NELL1: variants seen among roughly 807,000 people sequenced by gnomAD.
NELL1 encodes protein kinase C-binding protein NELL1.
A neutral mutation model predicts 107.4 loss-of-function variants in NELL1; 76 were observed. The observed-to-expected ratio is 0.71, with a 90% CI of 0.59 to 0.86. The LOEUF (loss-of-function observed/expected upper bound fraction) is 0.86, where lower values mean the gene tolerates loss of function less well. Ranked by LOEUF, NELL1 falls within the 40% of genes least tolerant of loss-of-function variation. The probability of loss-of-function intolerance (pLI) is 0.00; values close to 1 mark genes in which losing one functional copy is unlikely to be tolerated. For synonymous variants in NELL1, 353 were observed against 341.2 expected (o/e 1.03, Z -0.38); for missense variants, 1,024 against 1,005.5 (o/e 1.02, Z -0.25).
intron 5 of NELL1, among the ~76,000 whole-genome samples, chr11:20,915,044 ATATT>A (rs1224657048): frequency 6.6e-6 from 1 of 152,026 alleles, no homozygotes; most frequent in African/African-American, 2.4e-5. Flanking sequence ...ATGCTTTAGA[ATATT>A]TATTGTGTTT....
chr11:20,968,928 G>A (rs971251334), intron 12 of NELL1, among the ~76,000 whole-genome samples: 27 of 152,130 alleles, frequency 1.8e-4, no homozygotes, highest in African/African-American at 5.8e-4. Flanking sequence ...TGCAAGAGGG[G>A]TTGGTAAATT....
At chr11:21,572,549 A>C (rs920266173) in intron 18 of NELL1, among the ~76,000 whole-genome samples, 4 of 151,876 alleles carry the variant, frequency 2.6e-5, no homozygotes, top group African/African-American at 9.7e-5. Context: ...ATAGTGAAAT[A>C]GTTTTATTGT....
chr11:21,337,829 T>C (rs1276184012), intron 14 of NELL1, among the ~76,000 whole-genome samples: 277 of 20,250 alleles, frequency 0.014, 6 homozygotes, highest in South Asian at 0.13. Context: ...TCTTTCTTTC[T>C]TTCTTTCTTT....
intron 17 of NELL1, among the ~76,000 whole-genome samples, chr11:21,562,709 G>A (rs939636747): frequency 2.0e-5 from 3 of 151,938 alleles, no homozygotes; most frequent in Admixed American, 2.0e-4. Flanking sequence ...ATCAAGGTTG[G>A]GATATAAAGT....
At chr11:21,551,208 C>G (rs780131477) in intron 16 of NELL1, among the ~76,000 whole-genome samples, 3 of 151,952 alleles carry the variant, frequency 2.0e-5, no homozygotes, top group Non-Finnish European at 4.4e-5. Context: ...TGAGACTTTG[C>G]TGAAGTTGCT....
chr11:20,919,747 C>T (rs1288497327), intron 7 of NELL1, among the ~76,000 whole-genome samples: 2 of 152,100 alleles, frequency 1.3e-5, no homozygotes, highest in African/African-American at 4.8e-5. Context: ...TTGTTAGGAA[C>T]AGATTACTGT....
intron 13 of NELL1, among the ~76,000 whole-genome samples, chr11:21,159,227 C>A (rs1466091783): frequency 6.6e-6 from 1 of 152,116 alleles, no homozygotes; most frequent in Non-Finnish European, 1.5e-5. Flanking sequence ...GGTCTTGGAT[C>A]CGTGAGCTTG....
chr11:20,900,893 A>T (rs1398931947), intron 5 of NELL1, among the ~76,000 whole-genome samples: 1 of 152,102 alleles, frequency 6.6e-6, no homozygotes, highest in Non-Finnish European at 1.5e-5. Flanking sequence ...TCTTCTCAAG[A>T]GGCAGAAAAG....
chr11:20,998,626 C>T, intron 12 of NELL1, among the ~76,000 whole-genome samples: 1 of 152,138 alleles, frequency 6.6e-6, no homozygotes, highest in East Asian at 1.9e-4. Context: ...AACTGTTAAG[C>T]CAAAGCAGCA....
chr11:20,839,856 G>C (rs1325570582), intron 3 of NELL1, among the ~76,000 whole-genome samples: 2 of 152,178 alleles, frequency 1.3e-5, no homozygotes, highest in Non-Finnish European at 2.9e-5. Flanking sequence ...GGAAAATCAG[G>C]ACTTTAGTTT....
intron 14 of NELL1, among the ~76,000 whole-genome samples, chr11:21,270,333 G>T (rs1176636512): frequency 6.6e-6 from 1 of 151,946 alleles, no homozygotes; most frequent in Non-Finnish European, 1.5e-5. Flanking sequence ...AAAAGCAAAT[G>T]GAAGAAGAAA....
intron 13 of NELL1, among the ~76,000 whole-genome samples, chr11:21,172,071 T>C (rs4923395): frequency 0.35 from 53,409 of 151,618 alleles, 9,863 homozygotes; most frequent in Middle Eastern, 0.41. Flanking sequence ...CTCTAACATT[T>C]AGCTACTGTG....
intron 13 of NELL1, among the ~76,000 whole-genome samples, chr11:21,151,932 C>CT (rs1438598477): frequency 6.6e-6 from 1 of 152,206 alleles, no homozygotes; most frequent in Non-Finnish European, 1.5e-5. Context: ...TTTGGCCTGT[C>CT]TGATTTCTTT....
At chr11:21,386,390 T>A (rs961322553) in intron 15 of NELL1, among the ~76,000 whole-genome samples, 6 of 151,932 alleles carry the variant, frequency 3.9e-5, no homozygotes, top group Middle Eastern at 3.4e-3. Flanking sequence ...CATCTTTTTT[T>A]AAAAAAACCT....
chr11:20,672,349 T>C (rs541102121), intron 1 of NELL1, among the ~76,000 whole-genome samples: 185 of 152,344 alleles, frequency 1.2e-3, no homozygotes, highest in African/African-American at 4.2e-3. Flanking sequence ...GAAATAAACA[T>C]GTGGTTCACT....
chr11:21,553,903 T>G (rs933079852), intron 16 of NELL1, among the ~76,000 whole-genome samples: 4 of 151,870 alleles, frequency 2.6e-5, no homozygotes, highest in Non-Finnish European at 5.9e-5. Context: ...GTTAAAGACA[T>G]TAAACAATAT....
chr11:21,498,253 A>C (rs1855036249), intron 15 of NELL1, among the ~76,000 whole-genome samples: 1 of 150,416 alleles, frequency 6.6e-6, no homozygotes, highest in African/African-American at 2.4e-5. Context: ...CCTGGTGATA[A>C]TTACATAAAT....
intron 4 of NELL1, among the ~76,000 whole-genome samples, chr11:20,857,618 G>A (rs1848907322): frequency 1.3e-5 from 2 of 152,194 alleles, no homozygotes; most frequent in Admixed American, 1.3e-4. Context: ...CATCTTCACC[G>A]GCAGAGTTGG....
chr11:21,428,306 T>A (rs1351934022), intron 15 of NELL1, among the ~76,000 whole-genome samples: 2 of 152,158 alleles, frequency 1.3e-5, no homozygotes, highest in African/African-American at 4.8e-5. Flanking sequence ...TGGTCATCTA[T>A]GAAAAGTAAA....
Sources: allele counts gnomAD v4.1 joint callset (sites outside exome capture counted in the v4.1 genomes callset), GRCh38; gene constraint gnomAD v4.1.1; transcripts MANE v1.5; gene names NCBI Gene and HGNC (gene_info 2026-07-23, HGNC 2026-07-21).